The following DYSF variants were observed in gnomAD, a reference collection of about 807,000 sequenced individuals.
DYSF encodes the protein dystrophy-associated fer-1-like 1.
Under a neutral mutation model 274.9 loss-of-function variants are expected in DYSF, and 212 were observed. The observed-to-expected ratio is 0.77, with a 90% CI of 0.69 to 0.86. The LOEUF (loss-of-function observed/expected upper bound fraction) is 0.86. Ranked by LOEUF, DYSF falls within the 40% of genes least tolerant of loss-of-function variation. DYSF has a pLI of 0.00. For missense variants in DYSF, 2,666 were observed against 2,783.2 expected (o/e 0.96, Z 0.95); for synonymous variants, 1,091 against 1,078.7 (o/e 1.01, Z -0.22).
intron 50 of DYSF, 123 bp from the exon 51 acceptor site, chr2:71,669,482 C>T (rs2095080501): frequency 7.8e-7 from 1 of 1,274,064 alleles, no homozygotes. Context: ...TGCCGATTTC[C>T]TGGGAATTCT....
At chr2:71,490,984 T>C (rs2083805738) in intron 3 of DYSF, among the ~76,000 whole-genome samples, 1 of 152,232 alleles carries the variant, frequency 6.6e-6, no homozygotes, top group Non-Finnish European at 1.5e-5. Flanking sequence ...GTGGGATTAC[T>C]AGATCAAAGG....
At chr2:71,683,583 C>T (rs2095321670) in intron 55 of DYSF, among the ~76,000 whole-genome samples, 3 of 152,236 alleles carry the variant, frequency 2.0e-5, no homozygotes, top group African/African-American at 7.2e-5. Flanking sequence ...TAATCCACCC[C>T]TTGAGGACCT....
At position 71,480,895 on chromosome 2, in the gene DYSF, G is replaced by T. The variant is rs2082827571; in HGVS notation, c.104G>T (p.Arg35Ile). The T allele has an allele frequency of 2.5e-6, 4 of 1,614,036 alleles. No individual in the cohort carries two copies. The highest frequency in any genetic ancestry group is 8.5e-7 in the Non-Finnish European group (1 of 1,180,000). ...GTGTCTCTTGTAGGGGTGAAGAAGA[G>T]AACCAAAGTCATCAAGAACAGCGTG... ...ASLTFRGVKK[R>I]TKVIKNSVNP... Residue 35 changes from arginine to isoleucine, a missense_variant, in exon 2 of 56, where the codon AGA becomes ATA. Arg to Ile is a moderately conservative substitution (Grantham distance 97). Transcript: ENST00000410020.
At chr2:71,570,807 A>T (rs2092375740) in intron 29 of DYSF, 66 bp downstream of exon 29, 2 of 1,601,188 alleles carry the variant, frequency 1.2e-6, no homozygotes, top group Non-Finnish European at 1.7e-6. Context: ...GCACAGATGC[A>T]GACCTGCATG....
intron 30 of DYSF, among the ~76,000 whole-genome samples, chr2:71,585,339 C>A (rs971644021): frequency 6.6e-6 from 1 of 152,220 alleles, no homozygotes; most frequent in Non-Finnish European, 1.5e-5. Flanking sequence ...CAGGGATGGC[C>A]TCTCTGGGCA....
At position 71,480,741 on chromosome 2, in the gene DYSF, C is replaced by A; in HGVS notation, c.92-142C>A. ...GCATTGGGGATTCATTGCAGACTGG[C>A]GGGTTCTCAGGGAATCTGTTGATTT... On this transcript the variant is annotated intron_variant, in intron 1 of 55. Transcript: ENST00000410020. 4 of 746,852 alleles carry A rather than the reference C, an allele frequency of 5.4e-6. No homozygotes were observed. In the Admixed American group the frequency reaches 6.0e-5, roughly 11 times the overall value. 46.3% of individuals were successfully genotyped at this position (746,852 alleles called of 1,614,324 possible).
chr2:71,523,407 G>A (rs557344304), intron 12 of DYSF, among the ~76,000 whole-genome samples: 2 of 152,284 alleles, frequency 1.3e-5, no homozygotes, highest in African/African-American at 4.8e-5. Context: ...TAAAAATTGA[G>A]GGTTTGTTAG....
intron 36 of DYSF, chr2:71,610,749 T>C (rs917097738): frequency 4.7e-6 from 1 of 210,624 alleles, no homozygotes; most frequent in Non-Finnish European, 9.7e-6. Context: ...GGCTGGAAGG[T>C]GTCTAGGGGT....
intron 18 of DYSF, 76 bp downstream of exon 18, chr2:71,551,232 G>T (rs1166010681): frequency 6.7e-7 from 1 of 1,491,980 alleles, no homozygotes; most frequent in Non-Finnish European, 9.3e-7. Flanking sequence ...CTGCATGCAG[G>T]GTCTTCCAGC....
intron 55 of DYSF, among the ~76,000 whole-genome samples, chr2:71,685,012 C>G (rs2152974882): frequency 6.6e-6 from 1 of 152,352 alleles, no homozygotes; most frequent in East Asian, 1.9e-4. Flanking sequence ...CACCACCACC[C>G]ATGACATGCC....
chr2:71,459,936 C>G (rs1403182530), intron 1 of DYSF, among the ~76,000 whole-genome samples: 5 of 152,214 alleles, frequency 3.3e-5, no homozygotes, highest in African/African-American at 1.2e-4. Flanking sequence ...ACAGGCCCCT[C>G]AAGCCCTTCC....
Position 71,664,414 on chromosome 2 carries a change from G to C in DYSF, c.5150G>C (p.Cys1717Ser), listed in dbSNP as rs753279446. 6 of 1,614,202 alleles carry C rather than the reference G, an allele frequency of 3.7e-6. No individual in the cohort carries two copies. Among genetic ancestry groups the C allele is most frequent in the Non-Finnish European group, 5.1e-6 (6 of 1,180,028 alleles). Residue 1717 changes from cysteine (C) to serine (S), a missense_variant, in exon 46 of 56, where the codon TGT becomes TCT. Physicochemically the swap from Cys to Ser is moderately radical, Grantham distance 112 (BLOSUM62 -1). Around this residue, in one of 3 missense-constraint regions of DYSF, gnomAD observed 1,460 missense variants for 1,502.1 expected, o/e 0.97. Coordinates refer to ENST00000410020, the MANE Select transcript of DYSF (RefSeq NM_001130987.2). Reference protein sequence around the residue: ...NRLLSKFGARCGLPQTYCVSG... With the variant: ...NRLLSKFGARSGLPQTYCVSG... ...CTGCTGTCCAAGTTTGGGGCTCGCT[G>C]TGGACTCCCACAGACCTACTGTGTG...
chr2:71,477,682 T>A (rs1393182740), intron 1 of DYSF, among the ~76,000 whole-genome samples: 1 of 152,212 alleles, frequency 6.6e-6, no homozygotes. Flanking sequence ...CATACGTGGG[T>A]GAAAGATTCA....
chr2:71,526,437 C>G lies in DYSF; in HGVS notation c.1276+91C>G, dbSNP rs1282199532. 5.2e-6 allele frequency: 8 copies of G among 1,527,084 alleles called. No homozygotes were observed. In the East Asian group the frequency reaches 1.8e-4, roughly 35 times the overall value. 94.6% of individuals were successfully genotyped at this position (1,527,084 alleles called of 1,614,324 possible). A position where few individuals can be genotyped will look rare whatever the true frequency, so the allele number is the denominator to read the frequency against. On this transcript the variant is annotated intron_variant, in intron 13 of 55. Transcript: ENST00000410020. ...GGGCGATGGCGGGCGGGGTCAGCTC[C>G]CTGGGGGAAGGAGAGGCGTCTAGGA...
At chr2:71,519,030 T>A (rs1018482109) in intron 10 of DYSF, among the ~76,000 whole-genome samples, 1 of 135,708 alleles carries the variant, frequency 7.4e-6, no homozygotes, top group Admixed American at 8.6e-5. Flanking sequence ...GTGGCAGAGG[T>A]TGCAGTGAGC....
At chr2:71,476,345 A>C (rs1331634493) in intron 1 of DYSF, among the ~76,000 whole-genome samples, 1 of 152,090 alleles carries the variant, frequency 6.6e-6, no homozygotes, top group Non-Finnish European at 1.5e-5. Flanking sequence ...TGAGGTCAGG[A>C]ATTTGAGGCC....
At position 71,665,322 on chromosome 2, in the gene DYSF, C is replaced by G. The variant is rs766462414; in HGVS notation, c.5317+18C>G. 1.9e-6 allele frequency: 3 copies of G among 1,613,902 alleles called. No homozygotes were observed. In the Admixed American group the frequency reaches 5.0e-5, roughly 27 times the overall value. ...AGAGATAGGTGAGCTGCCACATGAC[C>G]CCAAACCATGGTGGGCTCTCGCTGT... On this transcript the variant is annotated intron_variant, in intron 47 of 55. Coordinates refer to ENST00000410020, the MANE Select transcript of DYSF (RefSeq NM_001130987.2).
At chr2:71,471,881 G>A (rs1228222340) in intron 1 of DYSF, among the ~76,000 whole-genome samples, 3 of 152,086 alleles carry the variant, frequency 2.0e-5, no homozygotes, top group East Asian at 3.9e-4. Context: ...CACAAGAATC[G>A]CTTGAACCCA....
chr2:71,481,318 T>G (rs1182596210), intron 2 of DYSF, among the ~76,000 whole-genome samples: 2 of 152,248 alleles, frequency 1.3e-5, no homozygotes, highest in Non-Finnish European at 2.9e-5. Flanking sequence ...CTCTGGCTCC[T>G]GCTAGCCCCT....
Sources: allele counts gnomAD v4.1 joint callset (sites outside exome capture counted in the v4.1 genomes callset), GRCh38; gene constraint gnomAD v4.1.1; regional missense constraint gnomAD v4.1.1; transcripts MANE v1.5; gene names NCBI Gene and HGNC (gene_info 2026-07-23, HGNC 2026-07-21).